DIP2B: variants seen among roughly 807,000 people sequenced by gnomAD.
DIP2B encodes DIP2 acetate--CoA ligase B (putative).
In DIP2B, 76 loss-of-function variants were observed where a neutral mutation model predicts 198.0. The observed-to-expected ratio is 0.38, with a 90% confidence interval of 0.32 to 0.46. DIP2B has a LOEUF of 0.46. DIP2B is among the 20% of genes least tolerant of loss of function. DIP2B has a pLI of 0.99. For missense variants in DIP2B, 1,559 were observed against 1,978.4 expected (o/e 0.79, Z 4.02); for synonymous variants, 701 against 739.1 (o/e 0.95, Z 0.84).
At chr12:50,545,632 CA>C (rs1958370430) in intron 1 of DIP2B, among the ~76,000 whole-genome samples, 1 of 151,554 alleles carries the variant, frequency 6.6e-6, no homozygotes, top group African/African-American at 2.4e-5. Context: ...TTGGGCCAGG[CA>C]TGGTTACTCA....
chr12:50,707,595 A>G (rs983454441), intron 21 of DIP2B, among the ~76,000 whole-genome samples: 3 of 152,232 alleles, frequency 2.0e-5, no homozygotes, highest in Non-Finnish European at 4.4e-5. Context: ...GGCAGTGAAC[A>G]AAACAGGCCA....
In DIP2B at chr12:50,714,550, C is replaced by G; in HGVS notation, c.2805C>G (p.Pro935=). Residue 935 remains proline, a synonymous_variant, in exon 23 of 38, where the codon CCC becomes CCG. Transcript: ENST00000301180. ...ATCCTTGCAACATCCTCATGTGCCC[C>G]CATACATGTGTGACAAACTTGCCAA... ...SLHPCNILMC[P]HTCVTNLPKP... The G allele has an allele frequency of 6.2e-7, 1 of 1,614,100 alleles. No homozygotes were observed.
intron 1 of DIP2B, among the ~76,000 whole-genome samples, chr12:50,520,910 GC>G (rs1269494271): frequency 6.6e-6 from 1 of 151,814 alleles, no homozygotes; most frequent in Admixed American, 6.6e-5. Flanking sequence ...CTCTTTCTTG[GC>G]AAGCTCATTC....
chr12:50,553,465 A>C, intron 1 of DIP2B, among the ~76,000 whole-genome samples: 1 of 152,208 alleles, frequency 6.6e-6, no homozygotes, highest in East Asian at 1.9e-4. Flanking sequence ...TCCTGAATGT[A>C]ACAAGAGACA....
rs1940366478 is a variant in DIP2B at position 50,748,198 on chromosome 12, T to G, written c.*3359T>G. 1 of 152,682 alleles carries G rather than the reference T, an allele frequency of 6.5e-6. No homozygotes were observed. The highest frequency in any genetic ancestry group is 2.1e-4 in the South Asian group (1 of 4,834). 9.5% of individuals were successfully genotyped at this position (152,682 alleles called of 1,614,324 possible). A position where few individuals can be genotyped will look rare whatever the true frequency, so the allele number is the denominator to read the frequency against. ...ATTACTTTCCTTGAATATCCAGGAATCTTTTAGTCTAAAGCAATGAGGAGT... is the reference window on the plus strand; with the variant it reads ...ATTACTTTCCTTGAATATCCAGGAAGCTTTTAGTCTAAAGCAATGAGGAGT... On this transcript the variant is annotated 3_prime_UTR_variant, in exon 38 of 38. Transcript: ENST00000301180.
intron 1 of DIP2B, among the ~76,000 whole-genome samples, chr12:50,624,095 T>A (rs1025793142): frequency 8.5e-5 from 13 of 152,240 alleles, no homozygotes; most frequent in Non-Finnish European, 1.3e-4. Context: ...AAATTCTTAG[T>A]ACAGCTGCTG....
chr12:50,712,267 C>T (rs1939629905), intron 22 of DIP2B, among the ~76,000 whole-genome samples: 1 of 152,076 alleles, frequency 6.6e-6, no homozygotes, highest in Non-Finnish European at 1.5e-5. Flanking sequence ...TTCAATAAGA[C>T]CTATGGGTAA....
At chr12:50,557,347 C>T (rs1958480456) in intron 1 of DIP2B, among the ~76,000 whole-genome samples, 1 of 152,192 alleles carries the variant, frequency 6.6e-6, no homozygotes, top group African/African-American at 2.4e-5. Context: ...TTGCTGCTTT[C>T]CTGTGTGTGG....
At chr12:50,626,693 G>T (rs1199876752) in intron 2 of DIP2B, among the ~76,000 whole-genome samples, 2 of 151,560 alleles carry the variant, frequency 1.3e-5, no homozygotes, top group Non-Finnish European at 2.9e-5. Context: ...TTACTATAGG[G>T]TGTTTTGTCT....
intron 19 of DIP2B, among the ~76,000 whole-genome samples, chr12:50,700,551 A>G (rs1939399833): frequency 6.6e-6 from 1 of 152,238 alleles, no homozygotes; most frequent in Non-Finnish European, 1.5e-5. Context: ...AACTTCAGAG[A>G]AAGTATCATC....
intron 1 of DIP2B, among the ~76,000 whole-genome samples, chr12:50,624,234 C>G (rs935262327): frequency 4.6e-5 from 7 of 152,170 alleles, no homozygotes; most frequent in African/African-American, 1.7e-4. Flanking sequence ...GATTAGCTGT[C>G]TCTTCTTGTG....
At chr12:50,543,347 T>G (rs1958343429) in intron 1 of DIP2B, among the ~76,000 whole-genome samples, 1 of 151,952 alleles carries the variant, frequency 6.6e-6, no homozygotes, top group African/African-American at 2.4e-5. Context: ...TGGAGTGCAG[T>G]GGCGCAATCT....
chr12:50,592,541 G>A (rs1300274996), intron 1 of DIP2B, among the ~76,000 whole-genome samples: 1 of 151,004 alleles, frequency 6.6e-6, no homozygotes, highest in Admixed American at 6.6e-5. Context: ...GCAGTGGCAC[G>A]ATCTCAGCTC....
At chr12:50,607,598 G>A (rs1235699176) in intron 1 of DIP2B, among the ~76,000 whole-genome samples, 6 of 152,134 alleles carry the variant, frequency 3.9e-5, no homozygotes, top group Non-Finnish European at 7.3e-5. Context: ...AGATCTTTCG[G>A]CTAAGGTCAG....
intron 2 of DIP2B, among the ~76,000 whole-genome samples, chr12:50,631,856 C>T (rs1409411371): frequency 6.6e-6 from 1 of 152,080 alleles, no homozygotes; most frequent in East Asian, 1.9e-4. Context: ...TTAACAATGT[C>T]CTTCCCAAAA....
At chr12:50,568,413 G>A (rs1958584532) in intron 1 of DIP2B, among the ~76,000 whole-genome samples, 1 of 152,096 alleles carries the variant, frequency 6.6e-6, no homozygotes, top group Non-Finnish European at 1.5e-5. Flanking sequence ...GAAAACAAAG[G>A]TAAAAAAAGA....
In DIP2B at chr12:50,691,034, G is replaced by A; in HGVS notation, c.1552-15G>A. ...ATTTTATTGTGTTTCTTATGTTTCT[G>A]TTTTTGTTTTCTAGTATAAAACAAG... On this transcript the variant is annotated splice_polypyrimidine_tract_variant and intron_variant, in intron 12 of 37. Transcript: ENST00000301180. The A allele has an allele frequency of 1.2e-6, 2 of 1,607,124 alleles. No individual in the cohort carries two copies. Among genetic ancestry groups the A allele is most frequent in the Non-Finnish European group, 1.7e-6 (2 of 1,175,212 alleles).
In DIP2B at chr12:50,691,073, G is replaced by A. The variant is rs1462820319; in HGVS notation, c.1576G>A (p.Val526Ile). 1.9e-6 allele frequency: 3 copies of A among 1,613,952 alleles called. No individual in the cohort carries two copies. Among genetic ancestry groups the A allele is most frequent in the Non-Finnish European group, 2.5e-6 (3 of 1,180,002 alleles). The part of the protein sequence containing the change: ...IEYKTSKEGS[V>I]MGVTVSRLAM... Reference sequence around the variant, plus strand: ...GTATAAAACAAGCAAAGAAGGGAGTGTAATGGGAGTTACAGTATCCCGGCT... The same window carrying A: ...GTATAAAACAAGCAAAGAAGGGAGTATAATGGGAGTTACAGTATCCCGGCT... The change falls in exon 13 of 38, where the codon GTA (valine) becomes ATA (isoleucine). Residue 526 changes from valine (V) to isoleucine (I), a missense_variant. Coordinates refer to ENST00000301180, the MANE Select transcript of DIP2B (RefSeq NM_173602.3).
At chr12:50,700,965 G>A (rs1939406679) in intron 19 of DIP2B, among the ~76,000 whole-genome samples, 1 of 152,088 alleles carries the variant, frequency 6.6e-6, no homozygotes, top group Admixed American at 6.6e-5. Context: ...TCTCATCTTG[G>A]CCTCCCAAAG....
Sources: gnomAD v4.1 joint callset for allele counts (sites outside exome capture counted in the v4.1 genomes callset) on GRCh38, gnomAD v4.1.1 for gene constraint, MANE v1.5 for transcripts, NCBI Gene and HGNC (gene_info 2026-07-23, HGNC 2026-07-21) for gene names.